HIPK2: variants seen among roughly 807,000 people sequenced by gnomAD.
The protein encoded by HIPK2 is homeodomain interacting protein kinase 2.
Under a neutral mutation model 113.7 loss-of-function variants are expected in HIPK2, and 27 were observed. That is an observed-to-expected ratio of 0.24 (90% CI 0.17 to 0.33). The LOEUF (loss-of-function observed/expected upper bound fraction) is 0.33. Ranked by LOEUF, HIPK2 falls within the 10% of genes least tolerant of loss-of-function variation. The pLI, the probability that HIPK2 is intolerant of heterozygous loss-of-function variation, is 1.00. For missense variants in HIPK2, 1,257 were observed against 1,588.0 expected (o/e 0.79, Z 3.54); for synonymous variants, 631 against 642.2 (o/e 0.98, Z 0.26).
intron 2 of HIPK2, among the ~76,000 whole-genome samples, chr7:139,696,347 A>T (rs1011983373): frequency 3.0e-4 from 45 of 152,216 alleles, no homozygotes; most frequent in Non-Finnish European, 4.6e-4. Context: ...TGGAGACAGG[A>T]GGATCACTTG....
In HIPK2 at chr7:139,571,370, C is replaced by T. The variant is rs1233551916; in HGVS notation, c.*1557G>A. 6.6e-6 allele frequency: 1 copy of T among 152,328 alleles called. No individual in the cohort carries two copies. Among genetic ancestry groups the T allele is most frequent in the Non-Finnish European group, 1.5e-5 (1 of 68,116 alleles). 9.4% of individuals were successfully genotyped at this position (152,328 alleles called of 1,614,324 possible). Reference sequence around the variant, plus strand: ...GCGGGAGACGGCTGCCTGGCGAGGCCAACAGTCCGGAAACCTCTGGCCTCA... The same window carrying T: ...GCGGGAGACGGCTGCCTGGCGAGGCTAACAGTCCGGAAACCTCTGGCCTCA... On this transcript the variant is annotated 3_prime_UTR_variant, in exon 15 of 15. Transcript: ENST00000406875.
rs1202962733 is a variant in HIPK2, at chr7:139,570,962, G to A, written c.*1965C>T. On this transcript the variant is annotated 3_prime_UTR_variant, in exon 15 of 15. Transcript: ENST00000406875. The stretch of plus-strand genomic sequence containing the variant: ...CTTCTCCACACCTCCATCCCCAGAA[G>A]TGTCCAAAGCCTGAGAAAACTTCCA... 1 of 152,192 alleles carries A rather than the reference G, an allele frequency of 6.6e-6. No homozygotes were observed. The highest frequency in any genetic ancestry group is 1.5e-5 in the Non-Finnish European group (1 of 68,040). The allele number at this position is 152,192 out of a possible 1,614,324, so 9.4% of individuals were successfully genotyped here. A position where few individuals can be genotyped will look rare whatever the true frequency, so the allele number is the denominator to read the frequency against.
In HIPK2 at chr7:139,676,116, A is replaced by C. The variant is rs114107373; in HGVS notation, c.1103+39816T>G. Among the ~76,000 whole-genome samples, 638 of 152,278 alleles carry C rather than the reference A, an allele frequency of 4.2e-3. 4 individuals carry two copies. Among genetic ancestry groups the C allele is most frequent in the African/African-American group, 0.012 (502 of 41,562 alleles). On this transcript the variant is annotated intron_variant, in intron 2 of 14. Transcript: ENST00000406875. ...GCCTCTATGGCAGAGTTCAGCAAAC[A>C]CTTTCCATAAAGAAACAAATACTAA...
At chr7:139,662,073 G>A (rs1801885095) in intron 2 of HIPK2, among the ~76,000 whole-genome samples, 1 of 152,064 alleles carries the variant, frequency 6.6e-6, no homozygotes, top group African/African-American at 2.4e-5. Flanking sequence ...TCTTCCAAAG[G>A]GTGTTACCCA....
At chr7:139,761,332 C>G (rs1353856564) in intron 1 of HIPK2, among the ~76,000 whole-genome samples, 2 of 152,216 alleles carry the variant, frequency 1.3e-5, no homozygotes, top group African/African-American at 4.8e-5. Flanking sequence ...AGTTATACCA[C>G]ACAAGTCACT....
chr7:139,770,339 A>T (rs1796628346), intron 1 of HIPK2, among the ~76,000 whole-genome samples: 2 of 152,218 alleles, frequency 1.3e-5, no homozygotes. Flanking sequence ...TGTGACTTTT[A>T]ACAGAAATCC....
Position 139,670,045 on chromosome 7 carries a change from TG to T in HIPK2, c.1104-38321del, listed in dbSNP as rs1244610929. On this transcript the variant is annotated intron_variant, in intron 2 of 14. Transcript: ENST00000406875. ...TTTTCACAAGGCCTGCTAAAAGATG[TG>T]GTTGAAATTACTCTCAAATTGCTTT... Among the ~76,000 whole-genome samples, 17 of 152,346 alleles carry T rather than the reference TG, an allele frequency of 1.1e-4. No homozygotes were observed. In the South Asian group the frequency reaches 3.5e-3, roughly 32 times the overall value.
intron 2 of HIPK2, among the ~76,000 whole-genome samples, chr7:139,669,355 T>A (rs959461884): frequency 6.6e-6 from 1 of 152,186 alleles, no homozygotes; most frequent in Non-Finnish European, 1.5e-5. Context: ...AGGGAGATAA[T>A]TGTATTGTGA....
chr7:139,660,457 G>A (rs893061727), intron 2 of HIPK2, among the ~76,000 whole-genome samples: 1 of 152,180 alleles, frequency 6.6e-6, no homozygotes, highest in African/African-American at 2.4e-5. Flanking sequence ...AAGAAATAAG[G>A]GAGATAAAAG....
chr7:139,690,662 A>G (rs1794379203), intron 2 of HIPK2, among the ~76,000 whole-genome samples: 1 of 152,022 alleles, frequency 6.6e-6, no homozygotes, highest in Admixed American at 6.6e-5. Context: ...AATAGAAATA[A>G]ATTTTAAAAA....
At chr7:139,736,019 G>A (rs1384894480) in intron 1 of HIPK2, among the ~76,000 whole-genome samples, 2 of 152,192 alleles carry the variant, frequency 1.3e-5, no homozygotes, top group Non-Finnish European at 2.9e-5. Context: ...TGGAGTCAGC[G>A]TGGCAGGTCT....
At chr7:139,668,126 CAAAA>C (rs35566561) in intron 2 of HIPK2, among the ~76,000 whole-genome samples, 1 of 55,646 alleles carries the variant, frequency 1.8e-5, no homozygotes. Context: ...AACTCCATCT[CAAAA>C]AAAAAAAAAA....
intron 1 of HIPK2, among the ~76,000 whole-genome samples, chr7:139,768,917 G>T (rs1796598556): frequency 6.6e-6 from 1 of 152,140 alleles, no homozygotes; most frequent in Non-Finnish European, 1.5e-5. Flanking sequence ...CATAACATTG[G>T]AACAGCCTCT....
intron 1 of HIPK2, among the ~76,000 whole-genome samples, chr7:139,745,413 C>G (rs976294823): frequency 1.3e-5 from 2 of 152,144 alleles, no homozygotes; most frequent in African/African-American, 2.4e-5. Flanking sequence ...ATCCTCCCCC[C>G]GAGTCTAAAG....
At chr7:139,662,987 G>A (rs897847827) in intron 2 of HIPK2, among the ~76,000 whole-genome samples, 1 of 152,158 alleles carries the variant, frequency 6.6e-6, no homozygotes, top group Non-Finnish European at 1.5e-5. Flanking sequence ...TCCTGTCTCT[G>A]ACTATCAGGG....
At chr7:139,728,409 T>C (rs1795653525) in intron 1 of HIPK2, among the ~76,000 whole-genome samples, 1 of 152,226 alleles carries the variant, frequency 6.6e-6, no homozygotes, top group Non-Finnish European at 1.5e-5. Context: ...TCAGCAGGGC[T>C]GGTTCCTTCT....
intron 2 of HIPK2, among the ~76,000 whole-genome samples, chr7:139,690,762 C>T (rs1794382302): frequency 6.6e-6 from 1 of 152,268 alleles, no homozygotes; most frequent in Non-Finnish European, 1.5e-5. Flanking sequence ...CACACGCCAG[C>T]TCCCCTTCAC....
intron 2 of HIPK2, among the ~76,000 whole-genome samples, chr7:139,636,696 T>C (rs1424224407): frequency 2.6e-5 from 4 of 152,172 alleles, no homozygotes; most frequent in African/African-American, 7.2e-5. Flanking sequence ...AGCATGGCCC[T>C]GTTGACACCT....
intron 2 of HIPK2, among the ~76,000 whole-genome samples, chr7:139,675,038 C>T (rs1802448607): frequency 1.3e-5 from 2 of 152,162 alleles, no homozygotes; most frequent in South Asian, 2.1e-4. Context: ...TATGCTGTGT[C>T]TAATTTTAGT....
Sources: gnomAD v4.1 joint callset for allele counts (sites outside exome capture counted in the v4.1 genomes callset) on GRCh38, gnomAD v4.1.1 for gene constraint, MANE v1.5 for transcripts, NCBI Gene and HGNC (gene_info 2026-07-23, HGNC 2026-07-21) for gene names.